The following PLD5 variants were observed in gnomAD, a reference collection of about 807,000 sequenced individuals.
PLD5 encodes the protein inactive phospholipase D5.
PLD5 carries 36 observed loss-of-function variants against 61.1 expected under a neutral mutation model. That is an observed-to-expected ratio of 0.59 (90% CI 0.45 to 0.78). The LOEUF is 0.78. PLD5 is among the 30% of genes least tolerant of loss of function. The probability of loss-of-function intolerance (pLI) is 0.00; values close to 1 mark genes in which losing one functional copy is unlikely to be tolerated. For synonymous variants in PLD5, 243 were observed against 242.8 expected (o/e 1.00, Z -0.01); for missense variants, 515 against 644.4 (o/e 0.80, Z 2.17).
chr1:242,368,636 T>C lies in PLD5; in HGVS notation c.190-20394A>G, dbSNP rs115207187. The stretch of plus-strand genomic sequence containing the variant: ...TGACAGTCTCCACCCCAGTCTTTTA[T>C]TATGCAGGTGGGTTCTCTGCCTGAG... On this transcript the variant is annotated intron_variant, in intron 1 of 9. Transcript: ENST00000536534. 1.0e-2 allele frequency among the ~76,000 whole-genome samples: 1,519 copies of C among 152,270 alleles called. 26 individuals carry two copies. Among genetic ancestry groups the C allele is most frequent in the African/African-American group, 0.034 (1,417 of 41,554 alleles).
chr1:242,180,337 A>G (rs532317054), intron 5 of PLD5, among the ~76,000 whole-genome samples: 2 of 152,202 alleles, frequency 1.3e-5, no homozygotes, highest in South Asian at 2.1e-4. Flanking sequence ...ACCAGAAATT[A>G]TTATTGAAAC....
chr1:242,253,166 T>C lies in PLD5; in HGVS notation c.607+12171A>G, dbSNP rs192615579. ...GCAGGGTCTCACTCTATCGCCTGGC[T>C]GGAGTACAGTGGTGGATCATAGCTC... On this transcript the variant is annotated intron_variant, in intron 4 of 9. Coordinates refer to ENST00000536534, the MANE Select transcript of PLD5 (RefSeq NM_001372062.1). Among the ~76,000 whole-genome samples, 18 of 137,614 alleles carry C rather than the reference T, an allele frequency of 1.3e-4. No individual in the cohort carries two copies. In the East Asian group the frequency reaches 4.1e-3, roughly 31 times the overall value. 90.3% of individuals were successfully genotyped at this position (137,614 alleles called of 152,430 possible).
chr1:242,114,063 A>C (rs1040988507), intron 6 of PLD5, 37 bp from the exon 7 acceptor site: 2 of 1,596,494 alleles, frequency 1.3e-6, no homozygotes, highest in African/African-American at 2.7e-5. Context: ...TAGCGTACTA[A>C]TTTTTGGCAG....
chr1:242,275,791 C>T (rs970717103), intron 3 of PLD5, among the ~76,000 whole-genome samples: 1 of 152,108 alleles, frequency 6.6e-6, no homozygotes, highest in African/African-American at 2.4e-5. Flanking sequence ...ATCCAGAAAG[C>T]AGGCAGGAGA....
intron 1 of PLD5, among the ~76,000 whole-genome samples, chr1:242,455,911 A>T (rs1303806971): frequency 6.6e-6 from 1 of 152,214 alleles, no homozygotes; most frequent in Non-Finnish European, 1.5e-5. Flanking sequence ...TGCGGGATAG[A>T]GCCGGGGTGG....
intron 5 of PLD5, among the ~76,000 whole-genome samples, chr1:242,205,792 G>C (rs1669280985): frequency 6.6e-6 from 1 of 152,206 alleles, no homozygotes; most frequent in African/African-American, 2.4e-5. Context: ...ATGGCAGATG[G>C]ACTATACAAC....
At chr1:242,488,798 A>C (rs1668047427) in intron 1 of PLD5, among the ~76,000 whole-genome samples, 1 of 152,184 alleles carries the variant, frequency 6.6e-6, no homozygotes, top group African/African-American at 2.4e-5. Context: ...ACACTAATGC[A>C]AGATATTAAT....
At chr1:242,295,263 G>C (rs1219366228) in intron 2 of PLD5, among the ~76,000 whole-genome samples, 2 of 152,114 alleles carry the variant, frequency 1.3e-5, no homozygotes, top group Non-Finnish European at 1.5e-5. Flanking sequence ...CCAACAGGTA[G>C]TTTATCAATC....
chr1:242,232,705 A>T (rs1461239160), intron 4 of PLD5, among the ~76,000 whole-genome samples: 1 of 151,846 alleles, frequency 6.6e-6, no homozygotes, highest in Non-Finnish European at 1.5e-5. Flanking sequence ...GAGATGGGCA[A>T]GGTGGTGGGT....
chr1:242,432,912 G>A (rs570808476), intron 1 of PLD5, among the ~76,000 whole-genome samples: 10 of 152,198 alleles, frequency 6.6e-5, no homozygotes, highest in East Asian at 1.9e-4. Flanking sequence ...GGAATTTTTC[G>A]GATTTAAAAT....
At chr1:242,149,662 T>TATACAC (rs1440526269) in intron 5 of PLD5, among the ~76,000 whole-genome samples, 1 of 139,536 alleles carries the variant, frequency 7.2e-6, no homozygotes, top group African/African-American at 2.9e-5. Flanking sequence ...ACTTAAGTTT[T>TATACAC]ATACACATAC....
At chr1:242,181,269 A>G (rs1046622770) in intron 5 of PLD5, among the ~76,000 whole-genome samples, 1 of 152,216 alleles carries the variant, frequency 6.6e-6, no homozygotes, top group Non-Finnish European at 1.5e-5. Context: ...CACTTGCAGT[A>G]GCAAGGCGAT....
At chr1:242,506,877 C>T (rs1461724108) in intron 1 of PLD5, among the ~76,000 whole-genome samples, 33 of 152,196 alleles carry the variant, frequency 2.2e-4, no homozygotes, top group Non-Finnish European at 5.9e-5. Context: ...AGCCTCTGCA[C>T]CAGTCCCAGA....
At position 242,239,610 on chromosome 1, in the gene PLD5, A is replaced by G. The variant is rs188594245; in HGVS notation, c.608-19495T>C. ...AAGTCCTTCTTCCTGTCTCTCTTAG[A>G]ATCTAGATCTACCAACAAGCAGCGG... is the stretch of plus-strand genomic sequence containing the variant. On this transcript the variant is annotated intron_variant, in intron 4 of 9. Transcript: ENST00000536534. Among the ~76,000 whole-genome samples, 63 of 152,270 alleles carry G rather than the reference A, an allele frequency of 4.1e-4. No individual in the cohort carries two copies. In the East Asian group the frequency reaches 7.2e-3, roughly 17 times the overall value.
chr1:242,356,468 A>G (rs1660758485), intron 1 of PLD5, among the ~76,000 whole-genome samples: 1 of 151,886 alleles, frequency 6.6e-6, no homozygotes, highest in Non-Finnish European at 1.5e-5. Context: ...TGAAAAGTGA[A>G]GTGTGTAGGC....
At chr1:242,281,556 G>T (rs189712282) in intron 3 of PLD5, among the ~76,000 whole-genome samples, 3 of 152,290 alleles carry the variant, frequency 2.0e-5, no homozygotes, top group Non-Finnish European at 4.4e-5. Context: ...AATATAGACT[G>T]TGGTTATATT....
chr1:242,407,840 G>C (rs1349247236), intron 1 of PLD5, among the ~76,000 whole-genome samples: 2 of 152,082 alleles, frequency 1.3e-5, no homozygotes, highest in African/African-American at 4.8e-5. Flanking sequence ...GTCTCCCAAA[G>C]TGCTGGGATT....
chr1:242,421,952 T>C (rs1665168602), intron 1 of PLD5, among the ~76,000 whole-genome samples: 1 of 152,232 alleles, frequency 6.6e-6, no homozygotes. Flanking sequence ...TGCGCCATCT[T>C]GATTTTAAAA....
At chr1:242,486,649 G>C (rs918951610) in intron 1 of PLD5, among the ~76,000 whole-genome samples, 1 of 152,192 alleles carries the variant, frequency 6.6e-6, no homozygotes, top group African/African-American at 2.4e-5. Flanking sequence ...GGAAGTCAGT[G>C]TGGCGATTCC....
Sources: allele counts gnomAD v4.1 joint callset (sites outside exome capture counted in the v4.1 genomes callset), GRCh38; gene constraint gnomAD v4.1.1; transcripts MANE v1.5; gene names NCBI Gene and HGNC (gene_info 2026-07-23, HGNC 2026-07-21).